Variants in PHF11 observed in about 807,000 individuals in gnomAD.
The protein encoded by PHF11 is PHD finger protein 11, also known as BRCA1 C-terminus-associated protein.
In PHF11, 38 loss-of-function variants were observed where a neutral mutation model predicts 40.5. The ratio of observed to expected loss-of-function variants is 0.94; its 90% CI spans 0.72 to 1.23. PHF11 has a LOEUF of 1.23. Among genes scored for constraint, PHF11 ranks in the 50% most tolerant of loss-of-function variants. The pLI is 0.00. For synonymous variants in PHF11, 127 were observed against 138.2 expected (o/e 0.92, Z 0.57); for missense variants, 369 against 392.4 (o/e 0.94, Z 0.50).
At chr13:49,512,038 T>C (rs189729558) in intron 2 of PHF11, among the ~76,000 whole-genome samples, 153 of 152,358 alleles carry the variant, frequency 1.0e-3, no homozygotes, top group African/African-American at 3.5e-3. Context: ...AAGAATTTCA[T>C]TTGCTCCACA....
intron 1 of PHF11, among the ~76,000 whole-genome samples, chr13:49,502,460 A>G (rs1958922629): frequency 6.6e-6 from 1 of 152,252 alleles, no homozygotes; most frequent in Admixed American, 6.5e-5. Context: ...ATATCAAAGA[A>G]TATTATAAAC....
chr13:49,513,074 C>T lies in PHF11; in HGVS notation c.232C>T (p.Leu78Phe). The T allele has an allele frequency of 6.4e-7, 1 of 1,570,678 alleles. No homozygotes were observed. The highest frequency in any genetic ancestry group is 8.8e-7 in the Non-Finnish European group (1 of 1,141,618). Residue 78 changes from leucine to phenylalanine, a missense_variant, in exon 3 of 10, where the codon CTT becomes TTT. By Grantham distance (22) the Leu-to-Phe change is conservative. Coordinates refer to ENST00000378319, the MANE Select transcript of PHF11 (RefSeq NM_001040443.3). ...CAATCTGCAGCTGTATTCTTCAGGA[C>T]TTGTGGAATGTGAGGATCAGGATCC... ...HENCLLYSSG[L>F]VECEDQDPLN... is the part of the protein sequence containing the mutation.
chr13:49,526,567 T>C, intron 9 of PHF11, 109 bp downstream of exon 9: 1 of 735,046 alleles, frequency 1.4e-6, no homozygotes, highest in Non-Finnish European at 2.3e-6. Flanking sequence ...GAATGTTCAT[T>C]GTTTTCTTAA....
chr13:49,505,146 GAAA>G (rs59506067), intron 1 of PHF11, among the ~76,000 whole-genome samples: 6 of 120,810 alleles, frequency 5.0e-5, no homozygotes, highest in Non-Finnish European at 1.1e-4. Flanking sequence ...AAATAAAAAT[GAAA>G]AAAAAAAAAA....
chr13:49,518,654 G>A (rs1164321991), intron 4 of PHF11: 1 of 152,130 alleles, frequency 6.6e-6, no homozygotes, highest in Non-Finnish European at 1.5e-5. Context: ...TCCAGAGGAG[G>A]AAACTGGGGC....
At chr13:49,509,781 C>T (rs914875214) in intron 2 of PHF11, among the ~76,000 whole-genome samples, 4 of 152,156 alleles carry the variant, frequency 2.6e-5, no homozygotes, top group East Asian at 1.9e-4. Flanking sequence ...TACCTTCTTC[C>T]GTGATTGTGA....
rs192636950 is a variant in PHF11 at position 49,516,321 on chromosome 13, C to G, written c.325-1697C>G. Among the ~76,000 whole-genome samples, 765 of 152,094 alleles carry G rather than the reference C, an allele frequency of 5.0e-3. 10 individuals carry two copies. The highest frequency in any genetic ancestry group is 0.018 in the African/African-American group (728 of 41,446). ...TCTGCTTTGTCCACTACTGTTTTCC[C>G]TTATCCTAAAACCATGCCTGCCACA... On this transcript the variant is annotated intron_variant, in intron 3 of 9. Coordinates refer to ENST00000378319, the MANE Select transcript of PHF11 (RefSeq NM_001040443.3).
intron 2 of PHF11, among the ~76,000 whole-genome samples, chr13:49,509,649 C>T (rs796892236): frequency 3.9e-5 from 6 of 152,232 alleles, no homozygotes; most frequent in African/African-American, 1.4e-4. Flanking sequence ...CAGGTTTTTC[C>T]CAGGCCATTC....
intron 1 of PHF11, chr13:49,497,223 T>C (rs961958835): frequency 7.8e-7 from 1 of 1,284,776 alleles, no homozygotes; most frequent in African/African-American, 1.5e-5. Context: ...GTAAGGTAAG[T>C]CACGGGAGAT....
Position 49,523,946 on chromosome 13 carries a change from A to G in PHF11, c.638-139A>G, listed in dbSNP as rs1391938866. The G allele has an allele frequency of 1.2e-5, 6 of 482,930 alleles. No homozygotes were observed. The East Asian group carries it at 2.1e-4, about 17-fold the overall frequency. The allele number at this position is 482,930 out of a possible 1,614,324, so 29.9% of individuals were successfully genotyped here. On this transcript the variant is annotated intron_variant, in intron 7 of 9. Coordinates refer to ENST00000378319, the MANE Select transcript of PHF11 (RefSeq NM_001040443.3). Reference sequence around the variant, plus strand: ...GAGGTATGATGAAATTATAATTAATAAAAAGGGTGAAGGTGCTGTATTATT... The same window carrying G: ...GAGGTATGATGAAATTATAATTAATGAAAAGGGTGAAGGTGCTGTATTATT...
At chr13:49,501,987 G>A (rs867002207) in intron 1 of PHF11, among the ~76,000 whole-genome samples, 4 of 151,450 alleles carry the variant, frequency 2.6e-5, no homozygotes, top group South Asian at 2.1e-4. Flanking sequence ...CACCGCGCCC[G>A]GCCAATATTT....
At chr13:49,508,307 T>A (rs1254069646) in intron 2 of PHF11, among the ~76,000 whole-genome samples, 2 of 147,136 alleles carry the variant, frequency 1.4e-5, no homozygotes, top group African/African-American at 4.9e-5. Flanking sequence ...ATAAATAATA[T>A]GCATTTTATA....
intron 7 of PHF11, chr13:49,523,787 TA>T: frequency 4.5e-6 from 1 of 220,248 alleles, no homozygotes; most frequent in East Asian, 1.3e-4. Context: ...CCCCAAAAGG[TA>T]TTGAAATTTA....
rs560775975 is a variant in PHF11, at chr13:49,504,611, C to T, written c.95-2024C>T. 8.2e-5 allele frequency among the ~76,000 whole-genome samples: 12 copies of T among 146,678 alleles called. No individual in the cohort carries two copies. In the South Asian group the frequency reaches 1.7e-3, roughly 21 times the overall value. On this transcript the variant is annotated intron_variant, in intron 1 of 9. Transcript: ENST00000378319. ...GGAGGTGGGGGGTCAGCCCCCCGCC[C>T]GGCCAGCCGCCCCGTCCGGGAGGTG...
At chr13:49,518,665 C>T (rs1311390618) in intron 4 of PHF11, 1 of 152,082 alleles carries the variant, frequency 6.6e-6, no homozygotes, top group Non-Finnish European at 1.5e-5. Flanking sequence ...AAACTGGGGC[C>T]TTGAGACACT....
Position 49,522,094 on chromosome 13 carries a change from G to A in PHF11, c.557G>A (p.Gly186Asp). 1.3e-6 allele frequency: 2 copies of A among 1,551,678 alleles called. No homozygotes were observed. The highest frequency in any genetic ancestry group is 8.9e-7 in the Non-Finnish European group (1 of 1,124,752). ...AGAGGAAGGAAGAAACCCCTCTCAG[G>A]CAATCATGTACAGGTAATTTGACTT... ...RKRGRKKPLSGNHVQPPETMK... is the reference protein window; with the variant it reads ...RKRGRKKPLSDNHVQPPETMK... The change falls in exon 6 of 10, where the codon GGC becomes GAC. Residue 186 changes from glycine (G) to aspartate (D), a missense_variant. Gly to Asp is a moderately conservative substitution (Grantham distance 94). Coordinates refer to ENST00000378319, the MANE Select transcript of PHF11 (RefSeq NM_001040443.3).
At position 49,506,751 on chromosome 13, in the gene PHF11, T is replaced by A; in HGVS notation, c.211T>A (p.Cys71Ser). ...AGAGAATATAGCTGCTCATGAGAAT[T>A]GTTTGGTAAGTTACTTGAAAACATA... Reference protein sequence around the residue: ...QSENIAAHENCLLYSSGLVEC... With the variant: ...QSENIAAHENSLLYSSGLVEC... Residue 71 changes from cysteine to serine, a missense_variant, in exon 2 of 10, where the codon TGT becomes AGT. Transcript: ENST00000378319. The A allele has an allele frequency of 6.2e-7, 1 of 1,607,462 alleles. No individual in the cohort carries two copies. Among genetic ancestry groups the A allele is most frequent in the Non-Finnish European group, 8.5e-7 (1 of 1,175,130 alleles).
At chr13:49,508,023 AATTGC>A (rs1287959564) in intron 2 of PHF11, among the ~76,000 whole-genome samples, 8 of 151,394 alleles carry the variant, frequency 5.3e-5, no homozygotes, top group African/African-American at 1.9e-4. Flanking sequence ...TTTTGATTGG[AATTGC>A]ATTGCATTTA....
intron 6 of PHF11, among the ~76,000 whole-genome samples, chr13:49,522,823 G>T (rs1436589239): frequency 7.2e-6 from 1 of 138,824 alleles, no homozygotes; most frequent in African/African-American, 2.7e-5. Flanking sequence ...GGAGTGCAAT[G>T]GTGTGATCTA....
Sources: gnomAD v4.1 joint callset for allele counts (sites outside exome capture counted in the v4.1 genomes callset) on GRCh38, gnomAD v4.1.1 for gene constraint, MANE v1.5 for transcripts, NCBI Gene and HGNC (gene_info 2026-07-23, HGNC 2026-07-21) for gene names.